IQCM: variants seen among roughly 807,000 people sequenced by gnomAD.
IQCM encodes IQ motif containing M.
A neutral mutation model predicts 57.6 loss-of-function variants in IQCM; 45 were observed. The ratio of observed to expected loss-of-function variants is 0.78; its 90% CI spans 0.62 to 1.00. The LOEUF (loss-of-function observed/expected upper bound fraction) is 1.00, where lower values mean the gene tolerates loss of function less well. Ranked by LOEUF, IQCM falls within the 50% of genes least tolerant of loss-of-function variation. IQCM has a pLI of 0.00. For synonymous variants in IQCM, 148 were observed against 158.9 expected (o/e 0.93, Z 0.51); for missense variants, 468 against 511.6 (o/e 0.91, Z 0.82).
intron 8 of IQCM, among the ~76,000 whole-genome samples, chr4:149,595,125 G>A (rs1199772677): frequency 6.6e-6 from 1 of 152,164 alleles, no homozygotes; most frequent in Non-Finnish European, 1.5e-5. Flanking sequence ...CTTGCTTTAT[G>A]AATCTGGGTG....
chr4:149,447,946 A>G (rs1441936612), intron 12 of IQCM, among the ~76,000 whole-genome samples: 1 of 151,650 alleles, frequency 6.6e-6, no homozygotes, highest in Non-Finnish European at 1.5e-5. Flanking sequence ...AGATTTCAAT[A>G]TTCCCTTTAA....
At chr4:149,753,158 T>C (rs1580205350) in intron 2 of IQCM, among the ~76,000 whole-genome samples, 1 of 152,250 alleles carries the variant, frequency 6.6e-6, no homozygotes, top group East Asian at 1.9e-4. Context: ...AAAAATTATT[T>C]AACATATGTC....
At chr4:149,475,958 CTCTT>C (rs1740136198) in intron 12 of IQCM, among the ~76,000 whole-genome samples, 1 of 152,044 alleles carries the variant, frequency 6.6e-6, no homozygotes, top group Non-Finnish European at 1.5e-5. Flanking sequence ...GCGTGGATGA[CTCTT>C]TCAAGAAAGT....
chr4:149,785,114 T>C (rs1771959488), intron 2 of IQCM, among the ~76,000 whole-genome samples: 1 of 152,200 alleles, frequency 6.6e-6, no homozygotes, highest in Non-Finnish European at 1.5e-5. Flanking sequence ...AACTTCCTGA[T>C]TCCTTACGAT....
intron 8 of IQCM, among the ~76,000 whole-genome samples, chr4:149,607,337 A>G (rs1754879254): frequency 6.6e-6 from 1 of 151,992 alleles, no homozygotes; most frequent in Non-Finnish European, 1.5e-5. Context: ...TCCCAAACAA[A>G]CAAAAGGTGA....
intron 12 of IQCM, among the ~76,000 whole-genome samples, chr4:149,547,161 T>C (rs1748527014): frequency 6.6e-6 from 1 of 152,162 alleles, no homozygotes; most frequent in Admixed American, 6.5e-5. Flanking sequence ...GAGGGCTCTG[T>C]TCTGTTCCAT....
At chr4:149,647,905 T>G (rs543500419) in intron 7 of IQCM, among the ~76,000 whole-genome samples, 1 of 152,266 alleles carries the variant, frequency 6.6e-6, no homozygotes, top group East Asian at 1.9e-4. Flanking sequence ...TGGCAGTTTT[T>G]TATAGTGTCA....
intron 12 of IQCM, among the ~76,000 whole-genome samples, chr4:149,546,665 T>C (rs997858345): frequency 6.6e-6 from 1 of 152,060 alleles, no homozygotes; most frequent in Non-Finnish European, 1.5e-5. Flanking sequence ...TTTGATGGGG[T>C]TGTTTGTTTT....
At chr4:149,377,101 T>C (rs1007457183) in intron 13 of IQCM, among the ~76,000 whole-genome samples, 3 of 152,086 alleles carry the variant, frequency 2.0e-5, no homozygotes, top group Admixed American at 1.3e-4. Context: ...AAATTTCTAG[T>C]TTTAAAACAA....
intron 2 of IQCM, among the ~76,000 whole-genome samples, chr4:149,767,415 T>C (rs748850136): frequency 4.6e-5 from 7 of 152,158 alleles, no homozygotes; most frequent in Non-Finnish European, 1.0e-4. Context: ...TTATTACCTG[T>C]ATTTGTTTCA....
chr4:149,673,720 A>G (rs1313030760), intron 7 of IQCM, among the ~76,000 whole-genome samples: 2 of 152,190 alleles, frequency 1.3e-5, no homozygotes, highest in African/African-American at 4.8e-5. Context: ...TCAATGAGAC[A>G]GAAAGTTAAC....
At chr4:149,578,204 A>G (rs1371223534) in intron 9 of IQCM, among the ~76,000 whole-genome samples, 1 of 151,662 alleles carries the variant, frequency 6.6e-6, no homozygotes, top group Non-Finnish European at 1.5e-5. Flanking sequence ...GATACCTTTT[A>G]TATCTTTATA....
chr4:149,749,754 A>C (rs1445912265), intron 2 of IQCM, among the ~76,000 whole-genome samples: 1 of 152,198 alleles, frequency 6.6e-6, no homozygotes, highest in East Asian at 1.9e-4. Flanking sequence ...AATATAACCT[A>C]TTAGAACCCT....
chr4:149,602,049 A>G (rs1213613520), intron 8 of IQCM, among the ~76,000 whole-genome samples: 2 of 151,516 alleles, frequency 1.3e-5, no homozygotes, highest in Non-Finnish European at 1.5e-5. Flanking sequence ...AAAAAAAAAA[A>G]AAAAAAGAAA....
intron 12 of IQCM, among the ~76,000 whole-genome samples, chr4:149,497,696 T>C (rs1200403947): frequency 6.6e-6 from 1 of 151,352 alleles, no homozygotes; most frequent in African/African-American, 2.4e-5. Flanking sequence ...CGGTCACTTT[T>C]CCTGAAAGTC....
At chr4:149,781,945 T>A (rs1393718463) in intron 2 of IQCM, among the ~76,000 whole-genome samples, 2 of 151,988 alleles carry the variant, frequency 1.3e-5, no homozygotes, top group Admixed American at 6.6e-5. Flanking sequence ...TTTAAAGGTA[T>A]CCATCCACAA....
chr4:149,796,901 C>T (rs567523083), intron 2 of IQCM, among the ~76,000 whole-genome samples: 1 of 152,208 alleles, frequency 6.6e-6, no homozygotes, highest in Non-Finnish European at 1.5e-5. Flanking sequence ...ATCACAACAC[C>T]CAAGTCATTT....
intron 7 of IQCM, among the ~76,000 whole-genome samples, chr4:149,657,156 C>T (rs2150145181): frequency 6.6e-6 from 1 of 152,218 alleles, no homozygotes; most frequent in African/African-American, 2.4e-5. Context: ...AACTTCTTTC[C>T]ATCCTCCTCC....
intron 9 of IQCM, among the ~76,000 whole-genome samples, chr4:149,584,922 T>C (rs1430514252): frequency 6.6e-6 from 1 of 151,768 alleles, no homozygotes; most frequent in African/African-American, 2.4e-5. Context: ...CAAGTGCTGC[T>C]GCAGCATTTT....
Sources: gnomAD v4.1 joint callset for allele counts (sites outside exome capture counted in the v4.1 genomes callset) on GRCh38, gnomAD v4.1.1 for gene constraint, MANE v1.5 for transcripts, NCBI Gene and HGNC (gene_info 2026-07-23, HGNC 2026-07-21) for gene names.